The following LRRTM4 variants were observed in gnomAD, a reference collection of about 807,000 sequenced individuals.
LRRTM4 encodes leucine-rich repeat transmembrane neuronal protein 4.
A neutral mutation model predicts 47.6 loss-of-function variants in LRRTM4; 25 were observed. That is an observed-to-expected ratio of 0.53 (90% CI 0.38 to 0.73). LRRTM4 has a LOEUF of 0.73. LRRTM4 is among the 30% of genes least tolerant of loss of function. The probability of loss-of-function intolerance (pLI) is 0.00; values close to 1 mark genes in which losing one functional copy is unlikely to be tolerated. For missense variants in LRRTM4, 638 were observed against 713.4 expected (o/e 0.89, Z 1.20); for synonymous variants, 311 against 269.5 (o/e 1.15, Z -1.51).
chr2:77,390,607 G>A (rs1669455881), intron 3 of LRRTM4, among the ~76,000 whole-genome samples: 1 of 151,228 alleles, frequency 6.6e-6, no homozygotes, highest in African/African-American at 2.4e-5. Flanking sequence ...ATTCTAGAAA[G>A]GACAAATTAT....
At chr2:76,788,336 C>T (rs1674789319) in intron 3 of LRRTM4, among the ~76,000 whole-genome samples, 1 of 152,164 alleles carries the variant, frequency 6.6e-6, no homozygotes, top group Non-Finnish European at 1.5e-5. Flanking sequence ...CCCTAGATAT[C>T]CGTCTTGAAT....
intron 3 of LRRTM4, among the ~76,000 whole-genome samples, chr2:76,999,548 C>T (rs542528771): frequency 1.3e-4 from 20 of 151,920 alleles, no homozygotes; most frequent in South Asian, 1.0e-3. Context: ...TGAGCCTAGG[C>T]GGGCCAAAAC....
chr2:77,368,953 C>T (rs1391208666), intron 3 of LRRTM4, among the ~76,000 whole-genome samples: 1 of 151,710 alleles, frequency 6.6e-6, no homozygotes. Flanking sequence ...AATCTATATT[C>T]CCACTAACAG....
intron 3 of LRRTM4, among the ~76,000 whole-genome samples, chr2:76,958,567 G>C (rs1433387214): frequency 6.6e-6 from 1 of 151,656 alleles, no homozygotes; most frequent in Non-Finnish European, 1.5e-5. Flanking sequence ...AGATCCTTTA[G>C]GTTCACAGTG....
intron 3 of LRRTM4, among the ~76,000 whole-genome samples, chr2:76,785,270 G>A (rs1006422929): frequency 2.0e-5 from 3 of 152,088 alleles, no homozygotes; most frequent in African/African-American, 4.8e-5. Flanking sequence ...TTTCTCAAAT[G>A]TGGGACTACA....
At chr2:77,159,857 T>C (rs1672663664) in intron 3 of LRRTM4, among the ~76,000 whole-genome samples, 1 of 152,186 alleles carries the variant, frequency 6.6e-6, no homozygotes. Flanking sequence ...CCATTTGCTT[T>C]AGTTTTAGTG....
intron 3 of LRRTM4, among the ~76,000 whole-genome samples, chr2:76,985,327 T>G (rs139364075): frequency 6.6e-6 from 1 of 152,076 alleles, no homozygotes; most frequent in East Asian, 1.9e-4. Flanking sequence ...AAAAGTAAAT[T>G]GAGAGATTGC....
intron 3 of LRRTM4, among the ~76,000 whole-genome samples, chr2:77,311,401 G>A (rs1303119798): frequency 2.6e-5 from 4 of 152,128 alleles, no homozygotes; most frequent in Non-Finnish European, 5.9e-5. Flanking sequence ...GGAGAAAATG[G>A]AGTACCTGGG....
At chr2:76,919,913 T>C (rs1473643466) in intron 3 of LRRTM4, among the ~76,000 whole-genome samples, 1 of 152,194 alleles carries the variant, frequency 6.6e-6, no homozygotes, top group Admixed American at 6.5e-5. Context: ...ACAGCTGCAA[T>C]ATTCCTGTTG....
chr2:77,216,985 A>T (rs1674462236), intron 3 of LRRTM4, among the ~76,000 whole-genome samples: 2 of 151,350 alleles, frequency 1.3e-5, no homozygotes, highest in Non-Finnish European at 2.9e-5. Context: ...AGGCAGGAGA[A>T]TGGCGTGAAC....
intron 2 of LRRTM4, among the ~76,000 whole-genome samples, chr2:77,520,905 A>G (rs547107478): frequency 2.5e-3 from 368 of 148,926 alleles, no homozygotes; most frequent in African/African-American, 8.1e-3. Context: ...TTCTTAATGG[A>G]GAGAAAAAAA....
chr2:77,383,262 A>T (rs1412205515), intron 3 of LRRTM4, among the ~76,000 whole-genome samples: 8 of 151,904 alleles, frequency 5.3e-5, no homozygotes, highest in Admixed American at 5.3e-4. Context: ...GTTAACTAAA[A>T]TTTTCTTGAC....
At chr2:76,904,941 C>A (rs546604393) in intron 3 of LRRTM4, among the ~76,000 whole-genome samples, 1 of 152,076 alleles carries the variant, frequency 6.6e-6, no homozygotes, top group Non-Finnish European at 1.5e-5. Context: ...CCAGTGTGAG[C>A]GACGCAGAAG....
chr2:77,465,363 A>C (rs993467549), intron 3 of LRRTM4, among the ~76,000 whole-genome samples: 1 of 152,198 alleles, frequency 6.6e-6, no homozygotes, highest in Non-Finnish European at 1.5e-5. Context: ...GATTGTGTGA[A>C]ATGAAAGTTG....
chr2:76,776,261 G>T (rs1673987978), intron 3 of LRRTM4, among the ~76,000 whole-genome samples: 1 of 152,110 alleles, frequency 6.6e-6, no homozygotes, highest in Admixed American at 6.5e-5. Flanking sequence ...ATAATCCTTT[G>T]GGTATATACC....
intron 3 of LRRTM4, among the ~76,000 whole-genome samples, chr2:77,338,433 TAAAC>T (rs769589539): frequency 5.9e-5 from 9 of 151,748 alleles, no homozygotes; most frequent in Non-Finnish European, 4.4e-5. Flanking sequence ...GCAAAGAAGA[TAAAC>T]AGACACTTTT....
At chr2:76,890,639 ATAAACAG>A (rs2104153973) in intron 3 of LRRTM4, among the ~76,000 whole-genome samples, 1 of 152,170 alleles carries the variant, frequency 6.6e-6, no homozygotes, top group East Asian at 1.9e-4. Flanking sequence ...AATAAACTGC[ATAAACAG>A]TAAATACTCA....
chr2:76,765,557 A>G (rs1296223153), intron 3 of LRRTM4, among the ~76,000 whole-genome samples: 2 of 152,206 alleles, frequency 1.3e-5, no homozygotes, highest in African/African-American at 4.8e-5. Flanking sequence ...TGCCCTTAAC[A>G]AGATGAGATG....
chr2:76,810,082 C>T (rs1179349587), intron 3 of LRRTM4, among the ~76,000 whole-genome samples: 1 of 152,164 alleles, frequency 6.6e-6, no homozygotes, highest in African/African-American at 2.4e-5. Flanking sequence ...TCTACATCCC[C>T]TACTAGAATG....
Sources: allele counts gnomAD v4.1 joint callset (sites outside exome capture counted in the v4.1 genomes callset), GRCh38; gene constraint gnomAD v4.1.1; transcripts MANE v1.5; gene names NCBI Gene and HGNC (gene_info 2026-07-23, HGNC 2026-07-21).